Variants in PDIA6 observed in about 807,000 individuals in gnomAD.
PDIA6 encodes the protein protein disulfide isomerase family A member 6.
In PDIA6, 29 loss-of-function variants were observed where a neutral mutation model predicts 58.4. The ratio of observed to expected loss-of-function variants is 0.50; its 90% CI spans 0.37 to 0.68. PDIA6 has a LOEUF of 0.68. PDIA6 is among the 30% of genes least tolerant of loss of function. The pLI is 0.00. For missense variants in PDIA6, 480 were observed against 551.0 expected (o/e 0.87, Z 1.29); for synonymous variants, 192 against 202.6 (o/e 0.95, Z 0.44).
intron 1 of PDIA6, among the ~76,000 whole-genome samples, chr2:10,827,478 C>T (rs1158514660): frequency 6.6e-6 from 1 of 152,152 alleles, no homozygotes; most frequent in Non-Finnish European, 1.5e-5. Context: ...GTGTCTGCCA[C>T]ATACTAATAA....
intron 4 of PDIA6, among the ~76,000 whole-genome samples, chr2:10,794,695 G>A (rs1454988046): frequency 6.6e-6 from 1 of 151,948 alleles, no homozygotes; most frequent in Non-Finnish European, 1.5e-5. Flanking sequence ...TTGGGAGGCC[G>A]AGGCAGGCGG....
chr2:10,784,439 G>T, intron 12 of PDIA6, 113 bp from the exon 13 acceptor site: 1 of 768,144 alleles, frequency 1.3e-6, no homozygotes. Context: ...TACAATCCAG[G>T]TTCTCCTCAG....
Position 10,784,984 on chromosome 2 carries a change from C to T in PDIA6, c.1204G>A (p.Ala402Thr). 1 of 1,590,872 alleles carries T rather than the reference C, an allele frequency of 6.3e-7. No individual in the cohort carries two copies. The highest frequency in any genetic ancestry group is 8.6e-7 in the Non-Finnish European group (1 of 1,167,364). Residue 402 changes from alanine to threonine, a missense_variant, in exon 12 of 13, where the codon GCT becomes ACT. Physicochemically the swap from Ala to Thr is moderately conservative, Grantham distance 58 (BLOSUM62 0). Coordinates refer to ENST00000272227, the MANE Select transcript of PDIA6 (RefSeq NM_005742.4). ...RGSTAPVGGG[A>T]FPTIVEREPW... is the part of the protein sequence containing the mutation. ...TCTCTCTCAACGATGGTAGGGAAAG[C>T]CCCGCCTCCTACAGGTGCCGTGGAG...
At chr2:10,836,896 C>A (rs1667842775), upstream of PDIA6, among the ~76,000 whole-genome samples, 1 of 152,140 alleles carries the variant, frequency 6.6e-6, no homozygotes, top group African/African-American at 2.4e-5. Context: ...ACGTGGGGTC[C>A]CATGCCTCAA....
chr2:10,817,404 G>T (rs1251059294), upstream of PDIA6, among the ~76,000 whole-genome samples: 3 of 152,154 alleles, frequency 2.0e-5, no homozygotes, highest in Admixed American at 6.5e-5. Context: ...CATCTTTCTG[G>T]GTTAGAATAA....
intron 1 of PDIA6, among the ~76,000 whole-genome samples, chr2:10,806,037 A>C (rs898033242): frequency 2.2e-5 from 3 of 135,024 alleles, no homozygotes; most frequent in Middle Eastern, 3.7e-3. Context: ...AAAAAAAAAA[A>C]AAAAAAACGA....
upstream of PDIA6, among the ~76,000 whole-genome samples, chr2:10,814,524 G>A (rs982547859): frequency 2.0e-5 from 3 of 152,168 alleles, no homozygotes; most frequent in South Asian, 4.1e-4. Flanking sequence ...CGCCTGAGGG[G>A]CAATGAATGC....
intron 5 of PDIA6, among the ~76,000 whole-genome samples, 177 bp from the exon 6 acceptor site, chr2:10,792,102 T>C (rs980900216): frequency 7.2e-5 from 11 of 152,260 alleles, no homozygotes; most frequent in Non-Finnish European, 5.9e-5. Flanking sequence ...TAATTTTTGC[T>C]TGGCAAATAG....
At chr2:10,786,509 C>CTCTCCACACAGCACACACACACG (rs11273221) in intron 11 of PDIA6, among the ~76,000 whole-genome samples, 9 of 151,872 alleles carry the variant, frequency 5.9e-5, no homozygotes, top group Non-Finnish European at 8.8e-5. Flanking sequence ...GGAGCCCCTA[C>CTCTCCACACAGCACACACACACG]TCTCCACACA....
chr2:10,826,661 A>T (rs1667564719), intron 1 of PDIA6, among the ~76,000 whole-genome samples: 1 of 152,074 alleles, frequency 6.6e-6, no homozygotes, highest in Non-Finnish European at 1.5e-5. Context: ...TGCCAGGTCG[A>T]ATTATACGCT....
rs772192443 is a variant in PDIA6, at chr2:10,784,959, T to G, written c.1229A>C (p.Glu410Ala). 4.0e-5 allele frequency: 64 copies of G among 1,590,498 alleles called. No individual in the cohort carries two copies. Among genetic ancestry groups the G allele is most frequent in the Non-Finnish European group, 5.0e-5 (58 of 1,167,164 alleles). ...CTCGCCATCCCTGCCGTCCCAAGGCTCTCTCTCAACGATGGTAGGGAAAGC... is the reference window on the plus strand; with the variant it reads ...CTCGCCATCCCTGCCGTCCCAAGGCGCTCTCTCAACGATGGTAGGGAAAGC... ...GGAFPTIVER[E>A]PWDGRDGELP... Residue 410 changes from glutamate (E) to alanine (A), a missense_variant, in exon 12 of 13, where the codon GAG becomes GCG. Transcript: ENST00000272227.
chr2:10,785,086 G>A, intron 11 of PDIA6, 56 bp from the exon 12 acceptor site: 1 of 1,200,410 alleles, frequency 8.3e-7, no homozygotes, highest in Non-Finnish European at 1.2e-6. Flanking sequence ...TGCTGGTGCA[G>A]AAGAATAAAC....
intron 1 of PDIA6, chr2:10,810,425 A>G: frequency 7.0e-7 from 1 of 1,438,164 alleles, no homozygotes; most frequent in Non-Finnish European, 9.1e-7. Context: ...AGCAGGCTGC[A>G]GTCACCAGAA....
Position 10,784,106 on chromosome 2 carries a change from G to T in PDIA6, c.*152C>A. 1 of 485,128 alleles carries T rather than the reference G, an allele frequency of 2.1e-6. No homozygotes were observed. 30.1% of individuals were successfully genotyped at this position (485,128 alleles called of 1,614,324 possible). ...TTTTCTTGAGATGCAAAAGTTCACT[G>T]TTGCAGTGTTTTCAAATGACCAATC... On this transcript the variant is annotated 3_prime_UTR_variant, in exon 13 of 13. Transcript: ENST00000272227.
chr2:10,790,989 G>A (rs1666009648), intron 6 of PDIA6, among the ~76,000 whole-genome samples, 156 bp from the exon 7 acceptor site: 1 of 152,096 alleles, frequency 6.6e-6, no homozygotes, highest in African/African-American at 2.4e-5. Flanking sequence ...TGGGACTACA[G>A]GTGTGTGCCA....
At chr2:10,835,345 G>C (rs1252640955), upstream of PDIA6, among the ~76,000 whole-genome samples, 1 of 152,146 alleles carries the variant, frequency 6.6e-6, no homozygotes, top group African/African-American at 2.4e-5. Flanking sequence ...GGGCTCCGGA[G>C]CCCGCCTTCT....
chr2:10,790,033 C>T (rs996127229), intron 7 of PDIA6, 144 bp from the exon 8 acceptor site: 3 of 649,014 alleles, frequency 4.6e-6, no homozygotes, highest in African/African-American at 3.7e-5. Context: ...GGCTGGAGAG[C>T]ACAGGTGCAA....
At chr2:10,828,915 G>A (rs1572709901) in intron 1 of PDIA6, among the ~76,000 whole-genome samples, 1 of 152,272 alleles carries the variant, frequency 6.6e-6, no homozygotes, top group Admixed American at 6.5e-5. Flanking sequence ...TGCCTGCTAG[G>A]GTGCCCGCTT....
At chr2:10,818,031 C>T (rs1420549457) in intron 2 of PDIA6, among the ~76,000 whole-genome samples, 1 of 152,144 alleles carries the variant, frequency 6.6e-6, no homozygotes, top group East Asian at 1.9e-4. Flanking sequence ...GTGCTCCTCT[C>T]TGGACTTTCT....
Sources: gnomAD v4.1 joint callset for allele counts (sites outside exome capture counted in the v4.1 genomes callset) on GRCh38, gnomAD v4.1.1 for gene constraint, MANE v1.5 for transcripts, NCBI Gene and HGNC (gene_info 2026-07-23, HGNC 2026-07-21) for gene names.